Variants in LPAR3 observed in about 807,000 individuals in gnomAD.
The protein encoded by LPAR3 is lysophosphatidic acid receptor 3, also known as LPA receptor 3.
A neutral mutation model predicts 17.8 loss-of-function variants in LPAR3; 7 were observed. The observed-to-expected ratio is 0.39, with a 90% CI of 0.22 to 0.74. The LOEUF is 0.74. Among genes scored for constraint, LPAR3 ranks in the 30% least tolerant of loss-of-function variants. The pLI, the probability that LPAR3 is intolerant of heterozygous loss-of-function variation, is 0.40. For synonymous variants in LPAR3, 179 were observed against 179.9 expected, an observed-to-expected ratio of 0.99 and a Z score of 0.04; for missense variants, 391 against 453.4, an observed-to-expected ratio of 0.86 and a Z score of 1.25.
At chr1:84,835,796 A>C (rs1231119510) in intron 2 of LPAR3, among the ~76,000 whole-genome samples, 1 of 151,970 alleles carries the variant, frequency 6.6e-6, no homozygotes, top group African/African-American at 2.4e-5. Context: ...TTATTGATGA[A>C]TCTCCTAACT....
At chr1:84,892,185 C>T (rs1660564423) in intron 1 of LPAR3, among the ~76,000 whole-genome samples, 1 of 151,386 alleles carries the variant, frequency 6.6e-6, no homozygotes, top group Admixed American at 6.6e-5. Context: ...TGCACTCCAG[C>T]CCGGATGATA....
chr1:84,856,505 A>C (rs1659831724), intron 2 of LPAR3, among the ~76,000 whole-genome samples: 1 of 152,260 alleles, frequency 6.6e-6, no homozygotes, highest in Non-Finnish European at 1.5e-5. Flanking sequence ...AGAAGCTGAA[A>C]ACAAATGTTT....
chr1:84,856,047 TCAAA>T (rs771798527), intron 2 of LPAR3, among the ~76,000 whole-genome samples: 2 of 152,118 alleles, frequency 1.3e-5, no homozygotes, highest in Non-Finnish European at 2.9e-5. Flanking sequence ...AAGGGATGTG[TCAAA>T]CAGCAGCGTA....
intron 1 of LPAR3, among the ~76,000 whole-genome samples, chr1:84,874,714 A>G (rs2102769312): frequency 6.6e-6 from 1 of 152,320 alleles, no homozygotes; most frequent in South Asian, 2.1e-4. Flanking sequence ...AAAGATGACT[A>G]ATACATCTTG....
intron 2 of LPAR3, among the ~76,000 whole-genome samples, chr1:84,824,940 C>T (rs1285654993): frequency 2.0e-5 from 3 of 152,190 alleles, no homozygotes; most frequent in East Asian, 3.8e-4. Context: ...ATGCTATACA[C>T]CTAGTGGTGT....
At chr1:84,818,591 C>T (rs761192303) in intron 2 of LPAR3, among the ~76,000 whole-genome samples, 12 of 152,012 alleles carry the variant, frequency 7.9e-5, no homozygotes, top group Non-Finnish European at 1.6e-4. Flanking sequence ...AAAAATAATG[C>T]TTAAAAGAAT....
At chr1:84,892,291 T>C (rs1165196327) in intron 1 of LPAR3, among the ~76,000 whole-genome samples, 1 of 152,098 alleles carries the variant, frequency 6.6e-6, no homozygotes, top group African/African-American at 2.4e-5. Context: ...TTCAGGGCCA[T>C]TTTAATGATT....
intron 2 of LPAR3, among the ~76,000 whole-genome samples, chr1:84,858,501 AAAAC>A (rs1157961723): frequency 3.3e-5 from 5 of 151,722 alleles, no homozygotes; most frequent in African/African-American, 9.7e-5. Flanking sequence ...AAAAAAAAAA[AAAAC>A]CTAAAAAACA....
intron 1 of LPAR3, among the ~76,000 whole-genome samples, chr1:84,877,094 T>C (rs1023334997): frequency 6.6e-6 from 1 of 152,212 alleles, no homozygotes; most frequent in Non-Finnish European, 1.5e-5. Context: ...ATACATGATA[T>C]GGATTTACAT....
intron 2 of LPAR3, among the ~76,000 whole-genome samples, chr1:84,864,003 G>A (rs1361598716): frequency 1.3e-5 from 2 of 152,118 alleles, no homozygotes; most frequent in African/African-American, 2.4e-5. Context: ...CTTCAGCTCA[G>A]GAGTTCGAGA....
chr1:84,886,873 G>A (rs1306696684), intron 1 of LPAR3, among the ~76,000 whole-genome samples: 2 of 152,078 alleles, frequency 1.3e-5, no homozygotes, highest in Non-Finnish European at 2.9e-5. Flanking sequence ...GGACACAGGA[G>A]GCAGCTCCAA....
chr1:84,826,045 A>G (rs1245564087), intron 2 of LPAR3, among the ~76,000 whole-genome samples: 2 of 151,912 alleles, frequency 1.3e-5, no homozygotes, highest in Admixed American at 6.6e-5. Flanking sequence ...GAATATAATG[A>G]TAACGGTGCT....
chr1:84,892,985 G>GT (rs2102778343), intron 1 of LPAR3, 31 bp downstream of exon 1: 1 of 152,372 alleles, frequency 6.6e-6, no homozygotes, highest in East Asian at 1.9e-4. Context: ...GCGGCTCGGG[G>GT]TACCCTCCCT....
chr1:84,812,410 GAC>G lies in LPAR3; in HGVS notation c.*1434_*1435del, dbSNP rs1658831577. 1 of 144,384 alleles carries G rather than the reference GAC, an allele frequency of 6.9e-6. No homozygotes were observed. Among genetic ancestry groups the G allele is most frequent in the South Asian group, 2.2e-4 (1 of 4,530 alleles). The allele number at this position is 144,384 out of a possible 1,614,324, so 8.9% of individuals were successfully genotyped here. Reference sequence around the variant, plus strand: ...GTTTAAATATACACATGTGTTCCCTGACATTCTCTAGTCTTTTTTTTTTTTTT... The same window carrying G: ...GTTTAAATATACACATGTGTTCCCTGATTCTCTAGTCTTTTTTTTTTTTTT... On this transcript the variant is annotated 3_prime_UTR_variant, in exon 3 of 3. Coordinates refer to ENST00000370611, the MANE Select transcript of LPAR3 (RefSeq NM_012152.3).
intron 1 of LPAR3, among the ~76,000 whole-genome samples, chr1:84,882,096 C>T (rs894510658): frequency 4.6e-5 from 7 of 152,150 alleles, no homozygotes; most frequent in Non-Finnish European, 1.0e-4. Flanking sequence ...AAAGATGCCA[C>T]CAAAACACCC....
chr1:84,824,904 A>G lies in LPAR3; in HGVS notation c.737-10733T>C, dbSNP rs1327533032. 7.2e-5 allele frequency among the ~76,000 whole-genome samples: 11 copies of G among 152,188 alleles called. No homozygotes were observed. In the East Asian group the frequency reaches 1.9e-3, roughly 27 times the overall value. On this transcript the variant is annotated intron_variant, in intron 2 of 2. Transcript: ENST00000370611. ...GGAGATCTCTTTTGTGCCTTATTCA[A>G]CTTAGATTACCCAGTGCTTAGCCAA...
intron 2 of LPAR3, among the ~76,000 whole-genome samples, chr1:84,826,189 A>G (rs1372817599): frequency 2.7e-5 from 4 of 150,892 alleles, no homozygotes; most frequent in Non-Finnish European, 5.9e-5. Context: ...ATATACATAT[A>G]TAGTGCTCAA....
At chr1:84,817,625 T>C (rs996227121) in intron 2 of LPAR3, among the ~76,000 whole-genome samples, 1 of 152,184 alleles carries the variant, frequency 6.6e-6, no homozygotes, top group Non-Finnish European at 1.5e-5. Context: ...ATGTTTGTGC[T>C]GTTCTGTCGA....
At chr1:84,828,496 G>A (rs1288493518) in intron 2 of LPAR3, among the ~76,000 whole-genome samples, 2 of 152,090 alleles carry the variant, frequency 1.3e-5, no homozygotes, top group Non-Finnish European at 2.9e-5. Flanking sequence ...CTTTTTAAAA[G>A]TTTACTTTGT....
Sources: allele counts gnomAD v4.1 joint callset (sites outside exome capture counted in the v4.1 genomes callset), GRCh38; gene constraint gnomAD v4.1.1; transcripts MANE v1.5; gene names NCBI Gene and HGNC (gene_info 2026-07-23, HGNC 2026-07-21).